PHYH: variants seen among roughly 807,000 people sequenced by gnomAD.
The protein encoded by PHYH is phytanoyl-CoA 2-hydroxylase, also known as phytanoyl-CoA dioxygenase, peroxisomal.
Under a neutral mutation model 38.5 loss-of-function variants are expected in PHYH, and 32 were observed. That is an observed-to-expected ratio of 0.83 (90% confidence interval 0.63 to 1.12). PHYH has a LOEUF of 1.12. Ranked by LOEUF, PHYH falls within the 50% of genes most tolerant of loss-of-function variation. The probability of loss-of-function intolerance (pLI) is 0.00; values close to 1 mark genes in which losing one functional copy is unlikely to be tolerated. For missense variants in PHYH, 426 were observed against 434.8 expected (o/e 0.98, Z 0.18); for synonymous variants, 166 against 157.9 (o/e 1.05, Z -0.38).
At chr10:13,281,241 A>G (rs1160238380) in intron 7 of PHYH, 131 bp from the exon 8 acceptor site, 8 of 861,408 alleles carry the variant, frequency 9.3e-6, no homozygotes, top group Non-Finnish European at 1.5e-5. Context: ...AGTCAGGTCC[A>G]TTGCATCCTG....
intron 8 of PHYH, among the ~76,000 whole-genome samples, chr10:13,279,097 C>T (rs1835356753): frequency 6.6e-6 from 1 of 151,980 alleles, no homozygotes; most frequent in African/African-American, 2.4e-5. Context: ...CTCCTGGGTT[C>T]AAATGATTCT....
chr10:13,295,796 C>T (rs1329804113), intron 2 of PHYH, among the ~76,000 whole-genome samples, 190 bp from the exon 3 acceptor site: 4 of 151,248 alleles, frequency 2.6e-5, no homozygotes, highest in African/African-American at 9.7e-5. Context: ...TGTGCCACTC[C>T]ACTCCAGCAT....
At chr10:13,279,858 T>C (rs3802577) in intron 8 of PHYH, among the ~76,000 whole-genome samples, 44,922 of 152,072 alleles carry the variant, frequency 0.3, 6,847 homozygotes, top group African/African-American at 0.34. Flanking sequence ...GCATTTTAGG[T>C]ACTGAACAAA....
intron 6 of PHYH, among the ~76,000 whole-genome samples, chr10:13,287,037 G>A (rs565864317): frequency 6.6e-5 from 10 of 152,144 alleles, no homozygotes; most frequent in Middle Eastern, 3.4e-3. Context: ...TTAATTGTTT[G>A]TTTTTTAATT....
intron 6 of PHYH, among the ~76,000 whole-genome samples, chr10:13,286,534 C>T (rs1835553876): frequency 6.6e-6 from 1 of 151,980 alleles, no homozygotes; most frequent in Non-Finnish European, 1.5e-5. Flanking sequence ...AAACTCGTCT[C>T]TACTAAAAAT....
At chr10:13,299,384 A>G (rs909993036) in intron 1 of PHYH, 4 of 980,340 alleles carry the variant, frequency 4.1e-6, no homozygotes, top group East Asian at 1.1e-4. Context: ...GAGCCGAGAC[A>G]ACAGGCAAGG....
At chr10:13,280,886 A>G (rs1835393752) in intron 8 of PHYH, 90 bp downstream of exon 8, 1 of 1,227,756 alleles carries the variant, frequency 8.1e-7, no homozygotes, top group South Asian at 1.2e-5. Flanking sequence ...AGCACTATAT[A>G]CTGTCAAATA....
chr10:13,288,909 C>A (rs1384179385), intron 5 of PHYH, among the ~76,000 whole-genome samples: 1 of 133,534 alleles, frequency 7.5e-6, no homozygotes, highest in African/African-American at 2.8e-5. Context: ...AGTCCCTGTC[C>A]CCCACCCCCA....
intron 3 of PHYH, 149 bp from the exon 4 acceptor site, chr10:13,294,745 G>T (rs570564985): frequency 1.5e-6 from 1 of 689,424 alleles, no homozygotes; most frequent in Admixed American, 2.1e-5. Context: ...CCAATGAAAG[G>T]GAGGAGAAAC....
At chr10:13,288,041 G>A (rs549987150) in intron 6 of PHYH, among the ~76,000 whole-genome samples, 4 of 152,276 alleles carry the variant, frequency 2.6e-5, no homozygotes, top group Non-Finnish European at 4.4e-5. Flanking sequence ...TTAGCCGGGC[G>A]TGGTGGTGCA....
chr10:13,290,115 C>CAAAAAAAAAAAAA (rs1172422242), intron 5 of PHYH, among the ~76,000 whole-genome samples: 1 of 33,390 alleles, frequency 3.0e-5, no homozygotes, highest in Admixed American at 5.3e-4. Context: ...CTAAAAATAC[C>CAAAAAAAAAAAAA]AAAAAAAAAA....
intron 5 of PHYH, among the ~76,000 whole-genome samples, chr10:13,289,768 C>T (rs1432031073): frequency 6.7e-6 from 1 of 149,640 alleles, no homozygotes; most frequent in Non-Finnish European, 1.5e-5. Flanking sequence ...CTCGTCTCTA[C>T]AAAAATACAA....
chr10:13,283,248 G>C (rs1271019351), intron 7 of PHYH, among the ~76,000 whole-genome samples: 1 of 149,380 alleles, frequency 6.7e-6, no homozygotes, highest in Non-Finnish European at 1.5e-5. Flanking sequence ...TCCTGCCTCA[G>C]CCTCCCGAGT....
chr10:13,296,881 G>A lies in PHYH; in HGVS notation c.135-1275C>T, dbSNP rs373113334. 5.3e-5 allele frequency among the ~76,000 whole-genome samples: 8 copies of A among 151,846 alleles called. No individual in the cohort carries two copies. The South Asian group carries it at 1.7e-3, about 32-fold the overall frequency. ...AGGCAGGAGAATGGCGTGAACCCGG[G>A]AGGCGGAGCTTGCAGTGAAGCAAGA... On this transcript the variant is annotated intron_variant, in intron 2 of 8. Transcript: ENST00000263038.
At chr10:13,284,524 C>T (rs773786566) in intron 6 of PHYH, among the ~76,000 whole-genome samples, 40 of 152,100 alleles carry the variant, frequency 2.6e-4, no homozygotes, top group Non-Finnish European at 4.7e-4. Flanking sequence ...TGTGAGTGTT[C>T]CCAGTGTGTT....
intron 6 of PHYH, 100 bp from the exon 7 acceptor site, chr10:13,283,939 CA>C: frequency 3.9e-6 from 4 of 1,031,804 alleles, no homozygotes; most frequent in Non-Finnish European, 6.2e-6. Flanking sequence ...GGAAAGAAAG[CA>C]TTTCTCTCTC....
At chr10:13,282,381 A>G (rs964357769) in intron 7 of PHYH, among the ~76,000 whole-genome samples, 4 of 152,226 alleles carry the variant, frequency 2.6e-5, no homozygotes, top group African/African-American at 9.6e-5. Flanking sequence ...ACTCAAGGCC[A>G]GGAGTTCGAG....
chr10:13,290,201 A>AG (rs1835672737), intron 5 of PHYH, among the ~76,000 whole-genome samples: 1 of 150,328 alleles, frequency 6.7e-6, no homozygotes, highest in African/African-American at 2.4e-5. Context: ...AGGATGAGGC[A>AG]GGAGAATCAC....
intron 1 of PHYH, among the ~76,000 whole-genome samples, chr10:13,298,718 C>CACTACTACTACTACTACT (rs56043624): frequency 0.021 from 1,991 of 93,352 alleles, 41 homozygotes; most frequent in African/African-American, 0.028. Flanking sequence ...AAACTACCAC[C>CACTACTACTACTACTACT]ACTACTACTA....
Sources: allele counts gnomAD v4.1 joint callset (sites outside exome capture counted in the v4.1 genomes callset), GRCh38; gene constraint gnomAD v4.1.1; transcripts MANE v1.5; gene names NCBI Gene and HGNC (gene_info 2026-07-23, HGNC 2026-07-21).